Variants in CREB5 observed in about 807,000 individuals in gnomAD.
CREB5 encodes the protein cyclic AMP-responsive element-binding protein 5.
Under a neutral mutation model 57.1 loss-of-function variants are expected in CREB5, and 19 were observed. The observed-to-expected ratio is 0.33, with a 90% CI of 0.23 to 0.49. The LOEUF (loss-of-function observed/expected upper bound fraction) is 0.49. CREB5 is among the 20% of genes least tolerant of loss of function. The pLI is 0.99. For synonymous variants in CREB5, 238 were observed against 238.3 expected, an observed-to-expected ratio of 1.00 and a Z score of 0.01; for missense variants, 579 against 671.6, an observed-to-expected ratio of 0.86 and a Z score of 1.52.
At chr7:28,395,490 T>G (rs144106289) in intron 1 of CREB5, among the ~76,000 whole-genome samples, 1 of 152,202 alleles carries the variant, frequency 6.6e-6, no homozygotes, top group East Asian at 1.9e-4. Context: ...ACAGCCTTAG[T>G]GCATGTCAGG....
chr7:28,642,455 A>C (rs1798695810), intron 5 of CREB5, among the ~76,000 whole-genome samples: 1 of 152,218 alleles, frequency 6.6e-6, no homozygotes, highest in South Asian at 2.1e-4. Flanking sequence ...TATTTAGTTC[A>C]ACAGAATCAT....
At chr7:28,560,937 CGTGCGTGTGTGTGCGTGTGTGT>C (rs1795198656) in intron 4 of CREB5, among the ~76,000 whole-genome samples, 1 of 35,552 alleles carries the variant, frequency 2.8e-5, no homozygotes, top group African/African-American at 1.1e-4. Context: ...TGCGTGTGTG[CGTGCGTGTGTGTGCGTGTGTGT>C]GCGTGTGTGT....
At chr7:28,607,718 G>A (rs1158128033) in intron 5 of CREB5, among the ~76,000 whole-genome samples, 1 of 148,478 alleles carries the variant, frequency 6.7e-6, no homozygotes, top group East Asian at 2.0e-4. Context: ...CCCAAAATAA[G>A]ACCAGTGCCC....
intron 1 of CREB5, among the ~76,000 whole-genome samples, chr7:28,316,299 C>A (rs1200326818): frequency 6.6e-6 from 1 of 152,062 alleles, no homozygotes; most frequent in Admixed American, 6.5e-5. Flanking sequence ...GGAGCACTTG[C>A]AGACAAACAT....
At chr7:28,334,346 G>A (rs1420547625) in intron 1 of CREB5, among the ~76,000 whole-genome samples, 6 of 151,976 alleles carry the variant, frequency 3.9e-5, no homozygotes, top group East Asian at 1.9e-4. Flanking sequence ...TAGTAGAGAC[G>A]GGGTTTCACC....
At chr7:28,395,275 A>G (rs1787312663) in intron 1 of CREB5, among the ~76,000 whole-genome samples, 1 of 152,212 alleles carries the variant, frequency 6.6e-6, no homozygotes. Context: ...AGGAGGATGT[A>G]GCCATATCTA....
intron 1 of CREB5, among the ~76,000 whole-genome samples, chr7:28,427,928 A>G (rs563191766): frequency 6.6e-5 from 10 of 152,326 alleles, no homozygotes; most frequent in Admixed American, 5.2e-4. Flanking sequence ...AGTGAACCAA[A>G]CAAACAAAAT....
chr7:28,503,067 G>A (rs1792331048), intron 3 of CREB5, among the ~76,000 whole-genome samples: 1 of 152,212 alleles, frequency 6.6e-6, no homozygotes. Context: ...ACTATGAACT[G>A]ATAGGAAGCG....
intron 5 of CREB5, among the ~76,000 whole-genome samples, chr7:28,669,667 A>G (rs1799953900): frequency 6.6e-6 from 1 of 152,238 alleles, no homozygotes; most frequent in Non-Finnish European, 1.5e-5. Flanking sequence ...CAGGACCATC[A>G]CATCAAGGGC....
At chr7:28,320,957 C>T (rs1392591573) in intron 1 of CREB5, among the ~76,000 whole-genome samples, 1 of 152,214 alleles carries the variant, frequency 6.6e-6, no homozygotes, top group Non-Finnish European at 1.5e-5. Context: ...AGAACACGGA[C>T]TCGGGAGCAA....
chr7:28,674,933 C>G (rs903839313), intron 5 of CREB5, among the ~76,000 whole-genome samples: 1 of 152,174 alleles, frequency 6.6e-6, no homozygotes, highest in Non-Finnish European at 1.5e-5. Flanking sequence ...CCCAGGTTAC[C>G]GCTTTTCCCT....
intron 1 of CREB5, among the ~76,000 whole-genome samples, chr7:28,309,750 C>T (rs1222161430): frequency 6.6e-6 from 1 of 152,188 alleles, no homozygotes; most frequent in Non-Finnish European, 1.5e-5. Context: ...GTCCAAACCT[C>T]TATCCCTCCC....
At chr7:28,790,106 G>C (rs899779327) in intron 7 of CREB5, among the ~76,000 whole-genome samples, 3 of 152,036 alleles carry the variant, frequency 2.0e-5, no homozygotes, top group Non-Finnish European at 4.4e-5. Context: ...GAAACATTTG[G>C]GGTTGGTTGC....
chr7:28,356,744 G>A (rs1351068784), intron 1 of CREB5, among the ~76,000 whole-genome samples: 1 of 152,200 alleles, frequency 6.6e-6, no homozygotes, highest in African/African-American at 2.4e-5. Context: ...TACACGGAGT[G>A]CTGTGTTTCG....
chr7:28,568,751 C>CA (rs1481650502), intron 4 of CREB5, among the ~76,000 whole-genome samples: 3 of 152,144 alleles, frequency 2.0e-5, no homozygotes, highest in African/African-American at 7.2e-5. Context: ...GGACTCCTGA[C>CA]AAACTGTGTG....
In CREB5 at chr7:28,723,195, T is replaced by TC. The variant is rs139193437; in HGVS notation, c.592-1022dup. Among the ~76,000 whole-genome samples, 1,089 of 152,342 alleles carry TC rather than the reference T, an allele frequency of 7.1e-3. 27 individuals are homozygous for TC. The highest frequency in any genetic ancestry group is 0.025 in the African/African-American group (1,027 of 41,576). On this transcript the variant is annotated intron_variant, in intron 6 of 10. Coordinates refer to ENST00000357727, the MANE Select transcript of CREB5 (RefSeq NM_182898.4). ...GCTTGCATTGAAGAATCTATTCTTG[T>TC]CCCCCTGAGGAAAGTCTAATTCTTT...
At position 28,824,385 on chromosome 7, in the gene CREB5, G is replaced by T. The variant is rs1809951143; in HGVS notation, c.*5106G>T. On this transcript the variant is annotated 3_prime_UTR_variant, in exon 11 of 11. Coordinates refer to ENST00000357727, the MANE Select transcript of CREB5 (RefSeq NM_182898.4). The stretch of plus-strand genomic sequence containing the variant: ...GACTTATTCTTTTGTGCACCCTGGT[G>T]CACATCTGACTGTTGTCCTAGCCAT... 6.6e-6 allele frequency: 1 copy of T among 152,610 alleles called. No homozygotes were observed. The highest frequency in any genetic ancestry group is 2.1e-4 in the South Asian group (1 of 4,830). The allele number at this position is 152,610 out of a possible 1,614,324, so 9.5% of individuals were successfully genotyped here.
At chr7:28,731,856 A>G (rs1338814019) in intron 7 of CREB5, among the ~76,000 whole-genome samples, 2 of 152,344 alleles carry the variant, frequency 1.3e-5, no homozygotes, top group South Asian at 2.1e-4. Flanking sequence ...TCAATTCTCT[A>G]TGATTCTTCC....
chr7:28,625,754 T>C (rs1562534484), intron 5 of CREB5, among the ~76,000 whole-genome samples: 1 of 152,180 alleles, frequency 6.6e-6, no homozygotes, highest in Non-Finnish European at 1.5e-5. Flanking sequence ...ATGGCCTCCA[T>C]CCATGGAAAA....
Sources: allele counts gnomAD v4.1 joint callset (sites outside exome capture counted in the v4.1 genomes callset), GRCh38; gene constraint gnomAD v4.1.1; transcripts MANE v1.5; gene names NCBI Gene and HGNC (gene_info 2026-07-23, HGNC 2026-07-21).